Variants in KIFAP3 observed in about 807,000 individuals in gnomAD.
KIFAP3 encodes kinesin-associated protein 3.
KIFAP3 carries 68 observed loss-of-function variants against 106.5 expected under a neutral mutation model. The observed-to-expected ratio is 0.64, with a 90% CI of 0.53 to 0.78. The LOEUF is 0.78. Among genes scored for constraint, KIFAP3 ranks in the 30% least tolerant of loss-of-function variants. The pLI is 0.00. For synonymous variants in KIFAP3, 320 were observed against 311.5 expected, an observed-to-expected ratio of 1.03 and a Z score of -0.29; for missense variants, 780 against 941.8, an observed-to-expected ratio of 0.83 and a Z score of 2.25.
chr1:170,056,238 A>G (rs1189434896), intron 1 of KIFAP3, among the ~76,000 whole-genome samples: 1 of 152,198 alleles, frequency 6.6e-6, no homozygotes, highest in Non-Finnish European at 1.5e-5. Flanking sequence ...TAGAATTAGT[A>G]CCTAAATAAA....
At chr1:170,077,915 A>G (rs925211639), upstream of KIFAP3, among the ~76,000 whole-genome samples, 1 of 151,828 alleles carries the variant, frequency 6.6e-6, no homozygotes, top group Non-Finnish European at 1.5e-5. Context: ...GTACTATTCC[A>G]TGGTATGAAT....
chr1:170,066,922 A>G (rs1230865963), intron 1 of KIFAP3, among the ~76,000 whole-genome samples: 5 of 152,210 alleles, frequency 3.3e-5, no homozygotes, highest in Non-Finnish European at 7.3e-5. Context: ...AAAAGAGAAC[A>G]TCATCCTGAG....
At chr1:169,980,486 G>A (rs914942596) in intron 15 of KIFAP3, among the ~76,000 whole-genome samples, 2 of 152,102 alleles carry the variant, frequency 1.3e-5, no homozygotes, top group Admixed American at 6.6e-5. Context: ...TAATATAAAT[G>A]CAAGGGGAAA....
intron 1 of KIFAP3, among the ~76,000 whole-genome samples, chr1:170,062,357 C>T (rs1255410386): frequency 6.6e-6 from 1 of 151,306 alleles, no homozygotes; most frequent in Non-Finnish European, 1.5e-5. Flanking sequence ...TTCATTGTTA[C>T]AAAACTCTTT....
chr1:169,972,580 A>G lies in KIFAP3; in HGVS notation c.1916T>C (p.Ile639Thr). The G allele has an allele frequency of 6.4e-7, 1 of 1,567,040 alleles. No individual in the cohort carries two copies. Among genetic ancestry groups the G allele is most frequent in the Non-Finnish European group, 8.7e-7 (1 of 1,142,928 alleles). The change falls in exon 17 of 20, where the codon ATA (isoleucine) becomes ACA (threonine). Residue 639 changes from isoleucine to threonine, a missense_variant. Transcript: ENST00000361580. ...IKETQAPAYL[I>T]DLMHDKNNEI... Reference sequence around the variant, plus strand: ...ATTATTCTTATCATGCATTAGGTCTATGAGATATGCTGGAGCCTCTGAATA... The same window carrying G: ...ATTATTCTTATCATGCATTAGGTCTGTGAGATATGCTGGAGCCTCTGAATA...
At position 170,046,712 on chromosome 1, in the gene KIFAP3, CT is replaced by C; in HGVS notation, c.318del (p.Glu107ArgfsTer49). On this transcript the variant is annotated frameshift_variant and splice_region_variant, in exon 3 of 20. Transcript: ENST00000361580. LOFTEE classifies it high-confidence loss of function. ...LQNRRDSLSG[K>X]EKKEKSSKPK... ...GGAAGCCAGGAATTCTACTACTTAC[CT>C]TTTCCTGACAATGAATCACGGCGGT... 3 of 1,531,360 alleles carry C rather than the reference CT, an allele frequency of 2.0e-6. No individual in the cohort carries two copies. The highest frequency in any genetic ancestry group is 1.3e-5 in the South Asian group (1 of 76,480). The allele number at this position is 1,531,360 out of a possible 1,614,324, so 94.9% of individuals were successfully genotyped here.
chr1:169,990,726 CA>C (rs970646718), intron 11 of KIFAP3, among the ~76,000 whole-genome samples: 1 of 151,458 alleles, frequency 6.6e-6, no homozygotes, highest in South Asian at 2.1e-4. Context: ...GTCCATGTTA[CA>C]AAAAAAATCA....
At chr1:169,951,313 C>T (rs1664719413) in intron 19 of KIFAP3, among the ~76,000 whole-genome samples, 1 of 151,820 alleles carries the variant, frequency 6.6e-6, no homozygotes, top group Admixed American at 6.6e-5. Context: ...AAAGTTCTTT[C>T]TAAAGGGCAA....
chr1:170,015,047 G>A (rs1668436809), intron 10 of KIFAP3, among the ~76,000 whole-genome samples: 1 of 152,092 alleles, frequency 6.6e-6, no homozygotes, highest in South Asian at 2.1e-4. Context: ...GGCTCCAAAG[G>A]AGATAAAACA....
Position 170,038,538 on chromosome 1 carries a change from T to C in KIFAP3, c.376-107A>G, listed in dbSNP as rs1416572392. 8 of 1,183,588 alleles carry C rather than the reference T, an allele frequency of 6.8e-6. No individual in the cohort carries two copies. In the African/African-American group the frequency reaches 1.3e-4, roughly 19 times the overall value. The allele number at this position is 1,183,588 out of a possible 1,614,324, so 73.3% of individuals were successfully genotyped here. Reference sequence around the variant, plus strand: ...ACTGGCCTTTATAACAACACACAAATTTCCAAAGAACTCATAGTAGCCATC... The same window carrying C: ...ACTGGCCTTTATAACAACACACAAACTTCCAAAGAACTCATAGTAGCCATC... On this transcript the variant is annotated intron_variant, in intron 4 of 19. Transcript: ENST00000361580.
At chr1:170,052,698 C>CA (rs1431078841) in intron 2 of KIFAP3, among the ~76,000 whole-genome samples, 1 of 152,192 alleles carries the variant, frequency 6.6e-6, no homozygotes, top group African/African-American at 2.4e-5. Flanking sequence ...ATATGCAAAT[C>CA]AATTAATGTA....
intron 19 of KIFAP3, among the ~76,000 whole-genome samples, chr1:169,945,004 G>T (rs144058520): frequency 6.6e-6 from 1 of 152,024 alleles, no homozygotes; most frequent in Admixed American, 6.5e-5. Context: ...ACTCCTTTTT[G>T]CCCAGGAGCC....
intron 10 of KIFAP3, among the ~76,000 whole-genome samples, chr1:169,995,166 C>T (rs367816557): frequency 6.6e-6 from 1 of 152,096 alleles, no homozygotes; most frequent in African/African-American, 2.4e-5. Flanking sequence ...TTGAAGGCAC[C>T]AATTTATACT....
chr1:169,978,081 A>T lies in KIFAP3; in HGVS notation c.1897+4T>A. 6.4e-7 allele frequency: 1 copy of T among 1,559,582 alleles called. No homozygotes were observed. The highest frequency in any genetic ancestry group is 8.8e-7 in the Non-Finnish European group (1 of 1,131,158). On this transcript the variant is annotated splice_donor_region_variant and intron_variant, in intron 16 of 19. Coordinates refer to ENST00000361580, the MANE Select transcript of KIFAP3 (RefSeq NM_014970.4). ...GTTATCTACGGTAAACACTGAAAGGATACGTGTTTCCTTGATTATGACGTC... is the reference window on the plus strand; with the variant it reads ...GTTATCTACGGTAAACACTGAAAGGTTACGTGTTTCCTTGATTATGACGTC...
At chr1:170,067,356 A>G (rs1163244120) in intron 1 of KIFAP3, 2 of 152,296 alleles carry the variant, frequency 1.3e-5, no homozygotes, top group African/African-American at 2.4e-5. Flanking sequence ...CCCCAGAAGC[A>G]CTAAAAACTT....
intron 2 of KIFAP3, among the ~76,000 whole-genome samples, chr1:170,050,079 G>C (rs1670493414): frequency 6.6e-6 from 1 of 152,032 alleles, no homozygotes; most frequent in African/African-American, 2.4e-5. Context: ...CCAATGCAAG[G>C]AAGCTAAGAA....
At chr1:170,047,304 A>C (rs1670306710) in intron 2 of KIFAP3, among the ~76,000 whole-genome samples, 1 of 151,960 alleles carries the variant, frequency 6.6e-6, no homozygotes, top group African/African-American at 2.4e-5. Flanking sequence ...GGTGGTAACT[A>C]TATAGAAGGT....
intron 13 of KIFAP3, 96 bp from the exon 14 acceptor site, chr1:169,982,963 G>A: frequency 1.4e-6 from 1 of 720,522 alleles, no homozygotes; most frequent in Non-Finnish European, 2.0e-6. Flanking sequence ...GAAAGAAAAA[G>A]TAAATATCAA....
intron 15 of KIFAP3, among the ~76,000 whole-genome samples, chr1:169,981,254 A>C (rs189231500): frequency 6.6e-6 from 1 of 152,228 alleles, no homozygotes; most frequent in Non-Finnish European, 1.5e-5. Context: ...AATAATTCAT[A>C]AGTTTTAAAT....
Sources: gnomAD v4.1 joint callset for allele counts (sites outside exome capture counted in the v4.1 genomes callset) on GRCh38, gnomAD v4.1.1 for gene constraint, MANE v1.5 for transcripts, NCBI Gene and HGNC (gene_info 2026-07-23, HGNC 2026-07-21) for gene names.